Variants in GRIK4 observed in about 807,000 individuals in gnomAD.
GRIK4 encodes glutamate ionotropic receptor kainate type subunit 4, also known as glutamate receptor ionotropic, kainate 4.
GRIK4 carries 40 observed loss-of-function variants against 104.9 expected under a neutral mutation model. The ratio of observed to expected loss-of-function variants is 0.38; its 90% CI spans 0.30 to 0.50. The LOEUF (loss-of-function observed/expected upper bound fraction) is 0.50, where lower values mean the gene tolerates loss of function less well. GRIK4 is among the 20% of genes least tolerant of loss of function. The pLI, the probability that GRIK4 is intolerant of heterozygous loss-of-function variation, is 0.93. For missense variants in GRIK4, 1,047 were observed against 1,308.1 expected, an observed-to-expected ratio of 0.80 and a Z score of 3.08; for synonymous variants, 485 against 524.9, an observed-to-expected ratio of 0.92 and a Z score of 1.04.
At chr11:120,552,235 G>A (rs369532584) in intron 1 of GRIK4, among the ~76,000 whole-genome samples, 5 of 152,224 alleles carry the variant, frequency 3.3e-5, no homozygotes, top group African/African-American at 1.2e-4. Context: ...CAGGTAGACA[G>A]TGTTGGAGTT....
intron 6 of GRIK4, among the ~76,000 whole-genome samples, chr11:120,820,942 G>T (rs1447151013): frequency 6.6e-6 from 1 of 152,206 alleles, no homozygotes; most frequent in Non-Finnish European, 1.5e-5. Flanking sequence ...TGCTACCCAA[G>T]AAATCAAGGA....
intron 1 of GRIK4, among the ~76,000 whole-genome samples, chr11:120,527,665 C>T (rs143870062): frequency 9.9e-4 from 151 of 152,354 alleles, no homozygotes; most frequent in Non-Finnish European, 1.6e-3. Flanking sequence ...CAGACAGCCT[C>T]GCTCACACTA....
chr11:120,669,399 C>A (rs1469527959), intron 3 of GRIK4, among the ~76,000 whole-genome samples: 1 of 152,214 alleles, frequency 6.6e-6, no homozygotes, highest in Non-Finnish European at 1.5e-5. Flanking sequence ...CCTTCCTTAG[C>A]TGCTGTCCCT....
intron 2 of GRIK4, among the ~76,000 whole-genome samples, chr11:120,659,283 G>C (rs1004378231): frequency 6.6e-6 from 1 of 152,120 alleles, no homozygotes; most frequent in African/African-American, 2.4e-5. Context: ...TAGAGGTTGG[G>C]GGTGGGGCTG....
At chr11:120,693,650 A>C (rs926726655) in intron 3 of GRIK4, among the ~76,000 whole-genome samples, 11 of 152,346 alleles carry the variant, frequency 7.2e-5, no homozygotes, top group Middle Eastern at 3.4e-3. Context: ...AAAGGTAAGG[A>C]GGCCTGGACC....
chr11:120,893,787 CT>C (rs199556911), intron 11 of GRIK4, among the ~76,000 whole-genome samples: 11 of 151,698 alleles, frequency 7.3e-5, no homozygotes, highest in East Asian at 3.9e-4. Flanking sequence ...ACATGAGGGT[CT>C]TTTTTTTTCC....
chr11:120,785,182 C>G (rs1383030983), intron 3 of GRIK4, among the ~76,000 whole-genome samples: 2 of 152,168 alleles, frequency 1.3e-5, no homozygotes, highest in Non-Finnish European at 2.9e-5. Flanking sequence ...TTTCCTCCAG[C>G]CTGGCTGTTT....
chr11:120,524,777 T>A lies in GRIK4; in HGVS notation c.-159+12890T>A, dbSNP rs529134807. Among the ~76,000 whole-genome samples, 2 of 152,288 alleles carry A rather than the reference T, an allele frequency of 1.3e-5. No homozygotes were observed. Among genetic ancestry groups the A allele is most frequent in the African/African-American group, 4.8e-5 (2 of 41,550 alleles). Reference sequence around the variant, plus strand: ...CAGTGTGAGCTAGGGGCTGCCTGCATCCTGGGGGCATTTATCATCACGCGG... The same window carrying A: ...CAGTGTGAGCTAGGGGCTGCCTGCAACCTGGGGGCATTTATCATCACGCGG... On this transcript the variant is annotated intron_variant, in intron 1 of 20. Coordinates refer to ENST00000527524, the MANE Select transcript of GRIK4 (RefSeq NM_014619.5). This position sits in a 1 kb window ranked among gnomAD's most constrained non-coding sequence, Gnocchi z 4.5.
At position 120,831,754 on chromosome 11, in the gene GRIK4, A is replaced by ACGGCCAGACCCCCCGACCCCT. The variant is rs1953432967; in HGVS notation, c.512-97_512-96insGGCCAGACCCCCCGACCCCTC. On this transcript the variant is annotated intron_variant, in intron 6 of 20. Coordinates refer to ENST00000527524, the MANE Select transcript of GRIK4 (RefSeq NM_014619.5). The stretch of plus-strand genomic sequence containing the variant: ...CAGTGGGGCCAGACCCCCCGACCCC[A>ACGGCCAGACCCCCCGACCCCT]CTTCCAGCCCACATCTCCGTGCCTT... 1.9e-5 allele frequency: 17 copies of ACGGCCAGACCCCCCGACCCCT among 871,924 alleles called. No individual in the cohort carries two copies. The Admixed American group carries it at 3.4e-4, about 18-fold the overall frequency. The allele number at this position is 871,924 out of a possible 1,614,324, so 54.0% of individuals were successfully genotyped here. A position where few individuals can be genotyped will look rare whatever the true frequency, so the allele number is the denominator to read the frequency against.
Position 120,691,105 on chromosome 11 carries a change from T to C in GRIK4, c.82+30705T>C, listed in dbSNP as rs7113458. Among the ~76,000 whole-genome samples, 455 of 152,360 alleles carry C rather than the reference T, an allele frequency of 3.0e-3. 3 individuals carry two copies. The highest frequency in any genetic ancestry group is 0.017 in the Middle Eastern group (5 of 294). On this transcript the variant is annotated intron_variant, in intron 3 of 20. Transcript: ENST00000527524. ...GAATAGGGGGGCAGTCAGGGACCCCTGTTCTGGGGAGTGTTTGCTGCTTTC... is the reference window on the plus strand; with the variant it reads ...GAATAGGGGGGCAGTCAGGGACCCCCGTTCTGGGGAGTGTTTGCTGCTTTC...
At position 120,961,065 on chromosome 11, in the gene GRIK4, C is replaced by T; in HGVS notation, c.2031C>T (p.Thr677=). ...CAATTCACGGAGGCTCCAGCATGAC[C>T]TTCTTCCAAGTAAACCCCATTTGGT... ...YGTIHGGSSM[T]FFQNSRYQTY... is the part of the protein sequence containing the mutation. Residue 677 remains threonine, a synonymous_variant, in exon 17 of 21, where the codon ACC becomes ACT. Transcript: ENST00000527524. 6.2e-7 allele frequency: 1 copy of T among 1,614,006 alleles called. No individual in the cohort carries two copies. Among genetic ancestry groups the T allele is most frequent in the Non-Finnish European group, 8.5e-7 (1 of 1,179,936 alleles).
chr11:120,844,728 C>T (rs1359913535), intron 8 of GRIK4, among the ~76,000 whole-genome samples: 1 of 152,182 alleles, frequency 6.6e-6, no homozygotes, highest in Non-Finnish European at 1.5e-5. Context: ...ATCTGGAATA[C>T]CCTTCCTCCC....
At position 120,730,173 on chromosome 11, in the gene GRIK4, G is replaced by A. The variant is rs117610588; in HGVS notation, c.82+69773G>A. Among the ~76,000 whole-genome samples, 688 of 152,134 alleles carry A rather than the reference G, an allele frequency of 4.5e-3. 32 individuals carry two copies. In the East Asian group the frequency reaches 0.085, roughly 19 times the overall value. On this transcript the variant is annotated intron_variant, in intron 3 of 20. Transcript: ENST00000527524. ...AGTTCAGGACCGGTCTGGGCAATACGGCAAAACCCTGTCTCTATGAAATAT... is the reference window on the plus strand; with the variant it reads ...AGTTCAGGACCGGTCTGGGCAATACAGCAAAACCCTGTCTCTATGAAATAT...
intron 11 of GRIK4, among the ~76,000 whole-genome samples, chr11:120,893,766 G>A (rs1942486474): frequency 6.6e-6 from 1 of 152,182 alleles, no homozygotes; most frequent in African/African-American, 2.4e-5. Flanking sequence ...ACAGAAATTG[G>A]CAAATGCTAC....
rs539833846 is a variant in GRIK4 at position 120,798,157 on chromosome 11, C to CTTTTTT, written c.83-4516_83-4511dup. On this transcript the variant is annotated intron_variant, in intron 3 of 20. Coordinates refer to ENST00000527524, the MANE Select transcript of GRIK4 (RefSeq NM_014619.5). ...AAAAAGAGAGTGAGCTCTGCTGTCT[C>CTTTTTT]TTTTTTTTTTTTTTTTTTTTTTTTT... Among the ~76,000 whole-genome samples the CTTTTTT allele has an allele frequency of 1.1e-3, 76 of 68,100 alleles. 3 individuals are homozygous for CTTTTTT. Among genetic ancestry groups the CTTTTTT allele is most frequent in the African/African-American group, 3.3e-3 (67 of 20,528 alleles). The allele number at this position is 68,100 out of a possible 152,430, so 44.7% of individuals were successfully genotyped here. A position where few individuals can be genotyped will look rare whatever the true frequency, so the allele number is the denominator to read the frequency against.
intron 3 of GRIK4, among the ~76,000 whole-genome samples, chr11:120,751,161 T>A (rs1222600644): frequency 6.6e-6 from 1 of 151,032 alleles, no homozygotes; most frequent in Non-Finnish European, 1.5e-5. Flanking sequence ...CCACCCAGAC[T>A]CCCTACTTCA....
chr11:120,754,427 A>C (rs1951617808), intron 3 of GRIK4, among the ~76,000 whole-genome samples: 1 of 152,078 alleles, frequency 6.6e-6, no homozygotes, highest in East Asian at 1.9e-4. Context: ...TCAATAATTC[A>C]TTTCCTTTCA....
intron 14 of GRIK4, among the ~76,000 whole-genome samples, chr11:120,943,349 G>A (rs1248177058): frequency 6.6e-6 from 1 of 152,154 alleles, no homozygotes; most frequent in East Asian, 1.9e-4. Flanking sequence ...CATTCTGTGT[G>A]TGAGACACCA....
intron 8 of GRIK4, among the ~76,000 whole-genome samples, chr11:120,847,817 C>T (rs987646521): frequency 6.6e-6 from 1 of 152,184 alleles, no homozygotes; most frequent in Non-Finnish European, 1.5e-5. Flanking sequence ...GTCACAAATG[C>T]CTGTCCCAGG....
Sources: gnomAD v4.1 joint callset for allele counts (sites outside exome capture counted in the v4.1 genomes callset) on GRCh38, gnomAD v4.1.1 for gene constraint, Gnocchi (gnomAD v3.1) non-coding constraint, MANE v1.5 for transcripts, NCBI Gene and HGNC (gene_info 2026-07-23, HGNC 2026-07-21) for gene names.